Variants in ARID1B observed in about 807,000 individuals in gnomAD.
ARID1B encodes the protein AT-rich interaction domain 1B.
Under a neutral mutation model 212.3 loss-of-function variants are expected in ARID1B, and 30 were observed. That is an observed-to-expected ratio of 0.14 (90% confidence interval 0.11 to 0.19). ARID1B has a LOEUF of 0.19. ARID1B is among the 10% of genes least tolerant of loss of function. The pLI, the probability that ARID1B is intolerant of heterozygous loss-of-function variation, is 1.00. For synonymous variants in ARID1B, 1,402 were observed against 1,301.7 expected (o/e 1.08, Z -1.66); for missense variants, 2,891 against 3,204.0 (o/e 0.90, Z 2.36).
chr6:156,825,648 C>G (rs1165777812), intron 1 of ARID1B, among the ~76,000 whole-genome samples: 1 of 152,178 alleles, frequency 6.6e-6, no homozygotes, highest in African/African-American at 2.4e-5. Flanking sequence ...CAGTTTTGGT[C>G]GTGCACTATT....
At position 156,778,307 on chromosome 6, in the gene ARID1B, G is replaced by C. The variant is rs970100458; in HGVS notation, c.627G>C (p.Gln209His). 2.1e-5 allele frequency: 33 copies of C among 1,545,172 alleles called. No homozygotes were observed. The highest frequency in any genetic ancestry group is 2.8e-5 in the Non-Finnish European group (32 of 1,146,706). The change falls in exon 1 of 20, where the codon CAG becomes CAC. Residue 209 changes from glutamine to histidine, a missense_variant. By Grantham distance (24) the Gln-to-His change is conservative. This residue lies in a region of ARID1B where 1,643 missense variants were observed against 1,544.0 expected (regional missense o/e 1.06). Transcript: ENST00000636930. The part of the protein sequence containing the change: ...QQQQQQQQQQ[Q>H]QQQQQHPISN... The stretch of plus-strand genomic sequence containing the variant: ...AGCAGCAGCAACAGCAGCAGCAGCA[G>C]CAGCAGCAACAGCAACATCCCATTT...
chr6:157,199,958 C>T (rs902463506), intron 17 of ARID1B, among the ~76,000 whole-genome samples: 22 of 152,196 alleles, frequency 1.4e-4, no homozygotes, highest in African/African-American at 4.6e-4. Context: ...TGAGTCACTG[C>T]GCCTGGCCAG....
At chr6:156,922,148 C>T (rs540642948) in intron 3 of ARID1B, among the ~76,000 whole-genome samples, 19 of 151,218 alleles carry the variant, frequency 1.3e-4, no homozygotes, top group African/African-American at 4.1e-4. Context: ...TGGATAATAA[C>T]GTAAGGGGTC....
Position 157,201,217 on chromosome 6 carries a change from G to A in ARID1B, c.4992G>A (p.Gln1664=), listed in dbSNP as rs2128375292. 1 of 1,613,840 alleles carries A rather than the reference G, an allele frequency of 6.2e-7. No individual in the cohort carries two copies. The highest frequency in any genetic ancestry group is 8.5e-7 in the Non-Finnish European group (1 of 1,179,848). The change falls in exon 18 of 20, where the codon CAG becomes CAA. Residue 1664 remains glutamine (Q), a synonymous_variant. Coordinates refer to ENST00000636930, the MANE Select transcript of ARID1B (RefSeq NM_001374828.1). This position sits in a 1 kb window ranked among gnomAD's most constrained non-coding sequence, Gnocchi z 5.2. ...CACGCCCACCACAGCCGTCCTACCA[G>A]ACGCCACCGTCACTGCCAAATCACA... The part of the protein sequence containing the change: ...PITRPPQPSY[Q]TPPSLPNHIS...
At chr6:156,792,956 G>A (rs960766007) in intron 1 of ARID1B, among the ~76,000 whole-genome samples, 3 of 151,880 alleles carry the variant, frequency 2.0e-5, no homozygotes, top group Admixed American at 1.3e-4. Context: ...TTTAAATGAG[G>A]ACAATGAAAA....
At chr6:157,164,453 CTT>C (rs1791178945) in intron 8 of ARID1B, among the ~76,000 whole-genome samples, 1 of 152,068 alleles carries the variant, frequency 6.6e-6, no homozygotes, top group Non-Finnish European at 1.5e-5. Context: ...TTCTGATTCT[CTT>C]TTTTACCTTA....
In ARID1B at chr6:157,200,117, TG is replaced by T. The variant is rs1436979574; in HGVS notation, c.4480-586del. ...TGGGAAGCAAGCTTAATAACAGGTG[TG>T]GTCCCAGCCCTGTCCTCAGTGCTGG... On this transcript the variant is annotated intron_variant, in intron 17 of 19. Coordinates refer to ENST00000636930, the MANE Select transcript of ARID1B (RefSeq NM_001374828.1). The surrounding 1 kb of genome is among the most constrained non-coding windows in gnomAD (Gnocchi z 4.3). Among the ~76,000 whole-genome samples the T allele has an allele frequency of 6.6e-6, 1 of 152,106 alleles. No homozygotes were observed. Among genetic ancestry groups the T allele is most frequent in the Non-Finnish European group, 1.5e-5 (1 of 68,002 alleles).
intron 4 of ARID1B, among the ~76,000 whole-genome samples, chr6:156,974,032 T>C (rs1777087801): frequency 6.6e-6 from 1 of 152,190 alleles, no homozygotes; most frequent in Non-Finnish European, 1.5e-5. Context: ...ACATTATTCA[T>C]TCAGGTCTGA....
chr6:157,153,787 C>T (rs575615706), intron 8 of ARID1B, among the ~76,000 whole-genome samples: 17 of 152,310 alleles, frequency 1.1e-4, no homozygotes, highest in African/African-American at 3.4e-4. Flanking sequence ...AGGCACGTGC[C>T]ACCATACCTG....
chr6:157,072,056 T>G (rs1049145556), intron 4 of ARID1B: 1 of 152,222 alleles, frequency 6.6e-6, no homozygotes, highest in African/African-American at 2.4e-5. Context: ...ATGAGCAGAA[T>G]TTTTTCTTTG....
intron 3 of ARID1B, among the ~76,000 whole-genome samples, chr6:156,927,102 C>T (rs1791284915): frequency 6.6e-6 from 1 of 152,082 alleles, no homozygotes; most frequent in Non-Finnish European, 1.5e-5. Context: ...ATCAATTATC[C>T]AGTATTCAAA....
At chr6:156,875,723 T>C (rs908368282) in intron 2 of ARID1B, among the ~76,000 whole-genome samples, 2 of 152,244 alleles carry the variant, frequency 1.3e-5, no homozygotes, top group Non-Finnish European at 2.9e-5. Flanking sequence ...GCTGCGCGTA[T>C]TAAGTATGTT....
intron 3 of ARID1B, among the ~76,000 whole-genome samples, chr6:156,908,926 C>A (rs1451071955): frequency 6.6e-6 from 1 of 151,962 alleles, no homozygotes. Context: ...CACAGAATGA[C>A]ATAATGAGCA....
At chr6:156,912,130 A>G (rs939439339) in intron 3 of ARID1B, among the ~76,000 whole-genome samples, 1 of 152,180 alleles carries the variant, frequency 6.6e-6, no homozygotes, top group Admixed American at 6.5e-5. Context: ...CACGTTACCC[A>G]TTATACAATG....
chr6:156,852,439 A>G (rs1379022373), intron 2 of ARID1B, among the ~76,000 whole-genome samples: 1 of 151,388 alleles, frequency 6.6e-6, no homozygotes, highest in Non-Finnish European at 1.5e-5. Context: ...CAGAGCAAGA[A>G]GACTCTGTTT....
rs587779747 is a variant in ARID1B at position 156,778,847 on chromosome 6, G to GGGCGGCGGC, written c.1185_1193dup (p.Gly400_Gly402dup). On this transcript the variant is annotated inframe_insertion, in exon 1 of 20. Coordinates refer to ENST00000636930, the MANE Select transcript of ARID1B (RefSeq NM_001374828.1). ...ATCCGGGCTACAGCCGGCCCGGCGC[G>GGGCGGCGGC]GGCGGCGGCGGCGGCGGCGGCGGCG... 63 of 1,403,408 alleles carry GGGCGGCGGC rather than the reference G, an allele frequency of 4.5e-5. No homozygotes were observed. Among genetic ancestry groups the GGGCGGCGGC allele is most frequent in the East Asian group, 4.3e-4 (14 of 32,482 alleles). The allele number at this position is 1,403,408 out of a possible 1,614,324, so 86.9% of individuals were successfully genotyped here.
intron 2 of ARID1B, among the ~76,000 whole-genome samples, chr6:156,878,056 T>C (rs1261541904): frequency 6.6e-6 from 1 of 152,096 alleles, no homozygotes; most frequent in African/African-American, 2.4e-5. Flanking sequence ...GTAAGATCTT[T>C]TGAAGGGCTT....
intron 4 of ARID1B, among the ~76,000 whole-genome samples, chr6:156,956,438 A>G (rs991229564): frequency 2.6e-5 from 4 of 152,160 alleles, no homozygotes; most frequent in African/African-American, 9.7e-5. Flanking sequence ...TGCTGGTAGC[A>G]GTGGAGTGGC....
At chr6:157,024,463 A>G (rs944909022) in intron 4 of ARID1B, 1 of 152,044 alleles carries the variant, frequency 6.6e-6, no homozygotes, top group Non-Finnish European at 1.5e-5. Flanking sequence ...TCAAACATCA[A>G]AAATCTAGCT....
Sources: gnomAD v4.1 joint callset for allele counts (sites outside exome capture counted in the v4.1 genomes callset) on GRCh38, gnomAD v4.1.1 for gene constraint, gnomAD v4.1.1 regional missense constraint, Gnocchi (gnomAD v3.1) non-coding constraint, MANE v1.5 for transcripts, NCBI Gene and HGNC (gene_info 2026-07-23, HGNC 2026-07-21) for gene names.